ZDHHC21: variants seen among roughly 807,000 people sequenced by gnomAD.
The protein encoded by ZDHHC21 is zDHHC palmitoyltransferase 21.
In ZDHHC21, 15 loss-of-function variants were observed where a neutral mutation model predicts 34.6. The ratio of observed to expected loss-of-function variants is 0.43; its 90% CI spans 0.29 to 0.67. The LOEUF (loss-of-function observed/expected upper bound fraction) is 0.67. Among genes scored for constraint, ZDHHC21 ranks in the 30% least tolerant of loss-of-function variants. The probability of loss-of-function intolerance (pLI) is 0.14; values close to 1 mark genes in which losing one functional copy is unlikely to be tolerated. For synonymous variants in ZDHHC21, 142 were observed against 101.8 expected, an observed-to-expected ratio of 1.40 and a Z score of -2.38; for missense variants, 344 against 327.7, an observed-to-expected ratio of 1.05 and a Z score of -0.38.
chr9:14,637,296 A>G (rs996468339), intron 8 of ZDHHC21, among the ~76,000 whole-genome samples: 1 of 152,052 alleles, frequency 6.6e-6, no homozygotes, highest in East Asian at 1.9e-4. Flanking sequence ...CAAAAAACCT[A>G]GAGTAAATGA....
At chr9:14,589,577 T>TG in the ZDHHC21 span, 1 of 152,094 alleles carries the variant, frequency 6.6e-6, no homozygotes, top group African/African-American at 2.4e-5. Flanking sequence ...CCAAGACTGT[T>TG]GTTGGATACA....
intron 8 of ZDHHC21, among the ~76,000 whole-genome samples, chr9:14,634,022 C>G (rs945654444): frequency 3.9e-5 from 6 of 152,146 alleles, no homozygotes; most frequent in Non-Finnish European, 7.4e-5. Flanking sequence ...GTAGCTGAGG[C>G]TAGGTCTGCC....
chr9:14,691,217 T>C (rs1839101796), intron 1 of ZDHHC21, among the ~76,000 whole-genome samples: 1 of 152,162 alleles, frequency 6.6e-6, no homozygotes, highest in Admixed American at 6.5e-5. Context: ...ATAATAAGAC[T>C]AGCAGGAGGA....
At chr9:14,693,208 C>A (rs1460444257) in intron 1 of ZDHHC21, 21 bp downstream of exon 1, 1 of 361,092 alleles carries the variant, frequency 2.8e-6, no homozygotes, top group Non-Finnish European at 5.4e-6. Context: ...GGCCGCTTCG[C>A]CCCCGCGCCT....
At chr9:14,636,715 A>G (rs933118315) in intron 8 of ZDHHC21, among the ~76,000 whole-genome samples, 2 of 152,168 alleles carry the variant, frequency 1.3e-5, no homozygotes, top group Admixed American at 6.6e-5. Flanking sequence ...ATCTTCTGAG[A>G]CCACAGTGGA....
chr9:14,656,360 T>C (rs1180282924), intron 7 of ZDHHC21, among the ~76,000 whole-genome samples: 1 of 151,982 alleles, frequency 6.6e-6, no homozygotes, highest in Non-Finnish European at 1.5e-5. Flanking sequence ...AATTTGTCTG[T>C]CTTTTCTTAC....
intron 8 of ZDHHC21, among the ~76,000 whole-genome samples, chr9:14,624,336 G>A (rs1003579867): frequency 3.9e-5 from 6 of 151,976 alleles, no homozygotes; most frequent in Non-Finnish European, 7.4e-5. Flanking sequence ...AGGGACAACT[G>A]TATATTCAAA....
At chr9:14,662,884 G>A (rs541574523) in intron 5 of ZDHHC21, among the ~76,000 whole-genome samples, 4 of 152,128 alleles carry the variant, frequency 2.6e-5, no homozygotes, top group Non-Finnish European at 2.9e-5. Flanking sequence ...GTGTGTATGG[G>A]ACAGGTTAGA....
chr9:14,632,091 T>A (rs535732282), intron 8 of ZDHHC21, among the ~76,000 whole-genome samples: 1,550 of 138,550 alleles, frequency 0.011, 35 homozygotes, highest in African/African-American at 0.039. Flanking sequence ...ACACACACAC[T>A]ATCTACAAAG....
At chr9:14,669,555 G>A (rs981319919) in intron 5 of ZDHHC21, among the ~76,000 whole-genome samples, 13 of 150,900 alleles carry the variant, frequency 8.6e-5, no homozygotes, top group Admixed American at 2.7e-4. Flanking sequence ...ACATGCACAC[G>A]TATGTTTATT....
At position 14,662,236 on chromosome 9, in the gene ZDHHC21, C is replaced by T. The variant is rs1347456275; in HGVS notation, c.344G>A (p.Arg115Lys). 3.7e-6 allele frequency: 6 copies of T among 1,611,110 alleles called. No homozygotes were observed. Among genetic ancestry groups the T allele is most frequent in the Non-Finnish European group, 5.1e-6 (6 of 1,178,630 alleles). The stretch of plus-strand genomic sequence containing the variant: ...TTACCATGGACAGTGATGATCCATT[C>T]TCCTCACACAGTGGCCGCAGCGGCT... ...HCSRCGHCVR[R>K]MDHHCPWINN... is the part of the protein sequence containing the mutation. The change falls in exon 6 of 10, where the codon AGA (arginine) becomes AAA (lysine). Residue 115 changes from arginine to lysine, a missense_variant. Transcript: ENST00000380916.
chr9:14,692,986 G>C (rs1045243441), intron 1 of ZDHHC21, among the ~76,000 whole-genome samples: 3 of 151,978 alleles, frequency 2.0e-5, no homozygotes, highest in Admixed American at 6.6e-5. Flanking sequence ...CTTAGCAAGG[G>C]GCTGTAGCTC....
Position 14,613,941 on chromosome 9 carries a change from T to C in ZDHHC21, c.*5025A>G, listed in dbSNP as rs554303856. On this transcript the variant is annotated 3_prime_UTR_variant, in exon 10 of 10. Transcript: ENST00000380916. ...TACTCTACACAATTATATTTAAAAC[T>C]AAAATATTTATAAAAGGCATCTGAC... 34 of 151,874 alleles carry C rather than the reference T, an allele frequency of 2.2e-4. 1 individual carries two copies. Among genetic ancestry groups the C allele is most frequent in the Middle Eastern group, 3.4e-3 (1 of 294 alleles). The allele number at this position is 151,874 out of a possible 1,614,324, so 9.4% of individuals were successfully genotyped here. A position where few individuals can be genotyped will look rare whatever the true frequency, so the allele number is the denominator to read the frequency against.
In ZDHHC21 at chr9:14,612,425, C is replaced by T. The variant is rs1048750814; in HGVS notation, c.*6541G>A. On this transcript the variant is annotated 3_prime_UTR_variant, in exon 10 of 10. Transcript: ENST00000380916. ...TTTTGAGAATTTTAAAGGGAAAAATCTGGAACCCAAATAATATACATAGCA... is the reference window on the plus strand; with the variant it reads ...TTTTGAGAATTTTAAAGGGAAAAATTTGGAACCCAAATAATATACATAGCA... The T allele has an allele frequency of 2.0e-5, 3 of 151,932 alleles. No homozygotes were observed. Among genetic ancestry groups the T allele is most frequent in the African/African-American group, 4.8e-5 (2 of 41,406 alleles). 9.4% of individuals were successfully genotyped at this position (151,932 alleles called of 1,614,324 possible). A position where few individuals can be genotyped will look rare whatever the true frequency, so the allele number is the denominator to read the frequency against.
intron 3 of ZDHHC21, among the ~76,000 whole-genome samples, chr9:14,676,584 T>C (rs1424853344): frequency 6.6e-6 from 1 of 152,000 alleles, no homozygotes; most frequent in Non-Finnish European, 1.5e-5. Context: ...CTAACTTGTG[T>C]ATGAATTCTA....
chr9:14,661,876 T>C (rs943937232), intron 6 of ZDHHC21, among the ~76,000 whole-genome samples: 3 of 152,186 alleles, frequency 2.0e-5, no homozygotes, highest in African/African-American at 7.2e-5. Context: ...CAATTAGAAA[T>C]AGCTACCATT....
At chr9:14,660,788 C>A (rs1833247871) in intron 6 of ZDHHC21, among the ~76,000 whole-genome samples, 1 of 152,016 alleles carries the variant, frequency 6.6e-6, no homozygotes, top group African/African-American at 2.4e-5. Flanking sequence ...TGAGTCTTTC[C>A]TAGTTCTTTC....
chr9:14,603,259 T>C, the ZDHHC21 span, among the ~76,000 whole-genome samples: 16,158 of 152,124 alleles, frequency 0.11, 1,214 homozygotes, highest in South Asian at 0.3. Flanking sequence ...CTCCAAATTA[T>C]ATTTTTAAAA....
intron 3 of ZDHHC21, among the ~76,000 whole-genome samples, chr9:14,675,251 A>C (rs1836162453): frequency 6.6e-6 from 1 of 151,868 alleles, no homozygotes; most frequent in Non-Finnish European, 1.5e-5. Context: ...ATACATCCAT[A>C]CTTTGGTAGA....
Sources: gnomAD v4.1 joint callset for allele counts (sites outside exome capture counted in the v4.1 genomes callset) on GRCh38, gnomAD v4.1.1 for gene constraint, MANE v1.5 for transcripts, NCBI Gene and HGNC (gene_info 2026-07-23, HGNC 2026-07-21) for gene names.